Variants in STARD3 observed in about 807,000 individuals in gnomAD.
STARD3 encodes stAR-related lipid transfer protein 3.
A neutral mutation model predicts 62.0 loss-of-function variants in STARD3; 39 were observed. That is an observed-to-expected ratio of 0.63 (90% CI 0.49 to 0.82). The LOEUF is 0.82. STARD3 is among the 40% of genes least tolerant of loss of function. STARD3 has a pLI of 0.00. For missense variants in STARD3, 543 were observed against 584.5 expected, an observed-to-expected ratio of 0.93 and a Z score of 0.73; for synonymous variants, 229 against 242.4, an observed-to-expected ratio of 0.94 and a Z score of 0.51.
chr17:39,658,205 C>A (rs1406012454), intron 5 of STARD3, 179 bp downstream of exon 5: 6 of 853,846 alleles, frequency 7.0e-6, no homozygotes, highest in Middle Eastern at 2.2e-4. Context: ...TGACTTAGCC[C>A]CTTGCAGCTC....
chr17:39,655,626 G>C (rs2057119519), intron 2 of STARD3, among the ~76,000 whole-genome samples: 1 of 152,184 alleles, frequency 6.6e-6, no homozygotes, highest in Non-Finnish European at 1.5e-5. Flanking sequence ...TCAGAATCCT[G>C]CACTGAACAA....
chr17:39,663,042 G>T lies in STARD3; in HGVS notation c.*134G>T. Reference sequence around the variant, plus strand: ...GTCACCCTCCACCGAGCCACGCAGTGCCTGGAGTTGACTGACTGAGCAGGC... The same window carrying T: ...GTCACCCTCCACCGAGCCACGCAGTTCCTGGAGTTGACTGACTGAGCAGGC... On this transcript the variant is annotated 3_prime_UTR_variant, in exon 15 of 15. Transcript: ENST00000336308. 2.2e-6 allele frequency: 2 copies of T among 895,174 alleles called. No homozygotes were observed. The highest frequency in any genetic ancestry group is 3.3e-6 in the Non-Finnish European group (2 of 612,438). The allele number at this position is 895,174 out of a possible 1,614,324, so 55.5% of individuals were successfully genotyped here.
At chr17:39,657,125 A>G in intron 3 of STARD3, 40 bp downstream of exon 3, 1 of 1,595,148 alleles carries the variant, frequency 6.3e-7, no homozygotes, top group Non-Finnish European at 8.6e-7. Context: ...CCGGAGGCAG[A>G]GAGGGAGCAG....
chr17:39,660,814 T>C lies in STARD3; in HGVS notation c.959T>C (p.Leu320Pro). Residue 320 changes from leucine (L) to proline (P), a missense_variant, in exon 12 of 15, where the codon CTG becomes CCG. Leu to Pro is a moderately conservative substitution (Grantham distance 98). Transcript: ENST00000336308. This position sits in a 1 kb window ranked among gnomAD's most constrained non-coding sequence, Gnocchi z 4.8. ...WNKTVTACQI[L>P]QRVEDNTLIS... ...GTCTCCGTTGACGGCCCTCAGATCC[T>C]GCAGCGAGTGGAAGACAACACCCTC... 6.3e-7 allele frequency: 1 copy of C among 1,582,032 alleles called. No homozygotes were observed. Among genetic ancestry groups the C allele is most frequent in the Non-Finnish European group, 8.6e-7 (1 of 1,163,948 alleles).
intron 3 of STARD3, among the ~76,000 whole-genome samples, chr17:39,657,303 A>G (rs1373533238): frequency 1.3e-5 from 2 of 152,064 alleles, no homozygotes; most frequent in Non-Finnish European, 2.9e-5. Flanking sequence ...AGGTGGGTGG[A>G]TCACTTGAGG....
chr17:39,660,881 C>A lies in STARD3; in HGVS notation c.1026C>A (p.Val342=). Reference sequence around the variant, plus strand: ...CTGCAGGGGCTGCGGGCGGCGTGGTCTCCCCAAGGTGAGTCCATGCCGGGC... The same window carrying A: ...CTGCAGGGGCTGCGGGCGGCGTGGTATCCCCAAGGTGAGTCCATGCCGGGC... ...DVSAGAAGGV[V]SPRDFVNVRR... is the part of the protein sequence containing the mutation. Residue 342 remains valine, a synonymous_variant, in exon 12 of 15, where the codon GTC becomes GTA. Coordinates refer to ENST00000336308, the MANE Select transcript of STARD3 (RefSeq NM_006804.4). This position sits in a 1 kb window ranked among gnomAD's most constrained non-coding sequence, Gnocchi z 4.8. The A allele has an allele frequency of 6.2e-7, 1 of 1,601,518 alleles. No individual in the cohort carries two copies. Among genetic ancestry groups the A allele is most frequent in the South Asian group, 1.1e-5 (1 of 89,980 alleles).
At chr17:39,645,586 C>T (rs1048294509) in intron 1 of STARD3, among the ~76,000 whole-genome samples, 4 of 152,090 alleles carry the variant, frequency 2.6e-5, no homozygotes, top group East Asian at 1.9e-4. Flanking sequence ...TCTCCTGCCT[C>T]ATACTCCCAA....
intron 1 of STARD3, chr17:39,653,183 G>T: frequency 2.7e-6 from 1 of 376,526 alleles, no homozygotes; most frequent in Non-Finnish European, 5.0e-6. Context: ...CAGCCCCAGG[G>T]ATCCAGGAGG....
At position 39,663,696 on chromosome 17, in the gene STARD3, A is replaced by G. The variant is rs2057228218; in HGVS notation, c.*788A>G. Among the ~76,000 whole-genome samples the G allele has an allele frequency of 7.4e-6, 1 of 134,994 alleles. No homozygotes were observed. Among genetic ancestry groups the G allele is most frequent in the South Asian group, 2.6e-4 (1 of 3,842 alleles). The allele number at this position is 134,994 out of a possible 152,430, so 88.6% of individuals were successfully genotyped here. On this transcript the variant is annotated 3_prime_UTR_variant, in exon 15 of 15. Transcript: ENST00000336308. Reference sequence around the variant, plus strand: ...AGTTCAACTGAGCAGATGACTGGTCAGAAAAAAATGCCCCGCCCCCTGCCA... The same window carrying G: ...AGTTCAACTGAGCAGATGACTGGTCGGAAAAAAATGCCCCGCCCCCTGCCA...
intron 2 of STARD3, among the ~76,000 whole-genome samples, chr17:39,656,417 G>A (rs1414732450): frequency 6.6e-6 from 1 of 152,170 alleles, no homozygotes; most frequent in African/African-American, 2.4e-5. Flanking sequence ...AAGGCCTCAG[G>A]GGTCCTGGTG....
chr17:39,657,002 TCA>T lies in STARD3; in HGVS notation c.220-3_220-2del. 1 of 1,614,054 alleles carries T rather than the reference TCA, an allele frequency of 6.2e-7. No homozygotes were observed. Among genetic ancestry groups the T allele is most frequent in the Non-Finnish European group, 8.5e-7 (1 of 1,179,968 alleles). ...CTGCAGAGCTCTTCCTGTCTCCCTC[TCA>T]CAGACCAACACAGGCATCCGTAAGA... On this transcript the variant is annotated splice_region_variant and splice_polypyrimidine_tract_variant and intron_variant, in intron 2 of 14. Transcript: ENST00000336308.
At position 39,660,198 on chromosome 17, in the gene STARD3, G is replaced by T. The variant is rs1361152299; in HGVS notation, c.796-13G>T. The T allele has an allele frequency of 6.2e-7, 1 of 1,613,768 alleles. No homozygotes were observed. Among genetic ancestry groups the T allele is most frequent in the Non-Finnish European group, 8.5e-7 (1 of 1,179,872 alleles). On this transcript the variant is annotated splice_polypyrimidine_tract_variant and intron_variant, in intron 9 of 14. Transcript: ENST00000336308. The surrounding 1 kb of genome is among the most constrained non-coding windows in gnomAD (Gnocchi z 4.8). ...TCCACTCTCCTCCCTGCCACCTTCT[G>T]TCCCTGCCATAGGAATATGGGGACA... is the stretch of plus-strand genomic sequence containing the variant.
chr17:39,661,927 G>A (rs1340779072), intron 13 of STARD3, among the ~76,000 whole-genome samples: 1 of 152,208 alleles, frequency 6.6e-6, no homozygotes, highest in Non-Finnish European at 1.5e-5. Context: ...AGCCTACTCT[G>A]CCATAGCAGG....
chr17:39,658,541 G>A lies in STARD3; in HGVS notation c.547+19G>A, dbSNP rs76589307. On this transcript the variant is annotated intron_variant, in intron 6 of 14. Transcript: ENST00000336308. The stretch of plus-strand genomic sequence containing the variant: ...GAGCGATGTGAGTGCTTGCGGGTAG[G>A]GGGGTGCAGCGAGGGTTACCCACAG... The A allele has an allele frequency of 1.9e-6, 3 of 1,610,148 alleles. No individual in the cohort carries two copies. Among genetic ancestry groups the A allele is most frequent in the African/African-American group, 2.7e-5 (2 of 74,842 alleles).
intron 1 of STARD3, among the ~76,000 whole-genome samples, chr17:39,638,233 A>C (rs551209331): frequency 2.0e-5 from 3 of 152,288 alleles, no homozygotes; most frequent in South Asian, 4.1e-4. Context: ...GTCAATTCCC[A>C]ACAGTCCAGC....
chr17:39,647,135 G>C (rs912725424), intron 1 of STARD3, among the ~76,000 whole-genome samples: 6 of 151,800 alleles, frequency 4.0e-5, no homozygotes, highest in Admixed American at 3.9e-4. Flanking sequence ...GGAGGCGGAG[G>C]TTGCAGTGAG....
rs1802512 is a variant in STARD3 at position 39,663,432 on chromosome 17, G to C, written c.*524G>C. ...GTCCCCCTCCTCCCAGGGCCTCCTG[G>C]GGGACCTTTGTATTAAGCCAATTAA... On this transcript the variant is annotated 3_prime_UTR_variant, in exon 15 of 15. Coordinates refer to ENST00000336308, the MANE Select transcript of STARD3 (RefSeq NM_006804.4). 8.8e-6 allele frequency: 2 copies of C among 227,966 alleles called. No individual in the cohort carries two copies. The highest frequency in any genetic ancestry group is 1.4e-3 in the Middle Eastern group (1 of 724). The allele number at this position is 227,966 out of a possible 1,614,324, so 14.1% of individuals were successfully genotyped here.
At position 39,663,399 on chromosome 17, in the gene STARD3, C is replaced by A. The variant is rs561684636; in HGVS notation, c.*491C>A. 2 of 259,564 alleles carry A rather than the reference C, an allele frequency of 7.7e-6. No individual in the cohort carries two copies. Among genetic ancestry groups the A allele is most frequent in the East Asian group, 6.7e-5 (1 of 14,956 alleles). 16.1% of individuals were successfully genotyped at this position (259,564 alleles called of 1,614,324 possible). A position where few individuals can be genotyped will look rare whatever the true frequency, so the allele number is the denominator to read the frequency against. ...CTGCTGGCCATGAATCTCTGCCTCTCCCAGGCTGTCCCCCTCCTCCCAGGG... is the reference window on the plus strand; with the variant it reads ...CTGCTGGCCATGAATCTCTGCCTCTACCAGGCTGTCCCCCTCCTCCCAGGG... On this transcript the variant is annotated 3_prime_UTR_variant, in exon 15 of 15. Transcript: ENST00000336308.
chr17:39,663,932 C>A lies in STARD3; in HGVS notation c.*1024C>A, dbSNP rs1373050055. Reference sequence around the variant, plus strand: ...ATTCCCTCTCCCCGCACGGCACTCACACCAGGGGCGGCCTGGAGCCCGGAT... The same window carrying A: ...ATTCCCTCTCCCCGCACGGCACTCAAACCAGGGGCGGCCTGGAGCCCGGAT... On this transcript the variant is annotated 3_prime_UTR_variant, in exon 15 of 15. Coordinates refer to ENST00000336308, the MANE Select transcript of STARD3 (RefSeq NM_006804.4). Among the ~76,000 whole-genome samples the A allele has an allele frequency of 6.6e-6, 1 of 152,122 alleles. No homozygotes were observed. Among genetic ancestry groups the A allele is most frequent in the Non-Finnish European group, 1.5e-5 (1 of 68,016 alleles).
Sources: gnomAD v4.1 joint callset for allele counts (sites outside exome capture counted in the v4.1 genomes callset) on GRCh38, gnomAD v4.1.1 for gene constraint, Gnocchi (gnomAD v3.1) non-coding constraint, MANE v1.5 for transcripts, NCBI Gene and HGNC (gene_info 2026-07-23, HGNC 2026-07-21) for gene names.